Variants in DCAF6 observed in about 807,000 individuals in gnomAD.
DCAF6 encodes the protein DDB1- and CUL4-associated factor 6.
DCAF6 carries 54 observed loss-of-function variants against 125.1 expected under a neutral mutation model. The observed-to-expected ratio is 0.43, with a 90% CI of 0.35 to 0.54. The LOEUF is 0.54. Among genes scored for constraint, DCAF6 ranks in the 20% least tolerant of loss-of-function variants. The pLI is 0.01. For synonymous variants in DCAF6, 371 were observed against 390.4 expected (o/e 0.95, Z 0.58); for missense variants, 934 against 1,161.7 (o/e 0.80, Z 2.85).
chr1:167,905,988 A>C, the DCAF6 span, among the ~76,000 whole-genome samples: 3 of 152,116 alleles, frequency 2.0e-5, no homozygotes, highest in African/African-American at 7.2e-5. Flanking sequence ...AGTTACTGGA[A>C]TAGGTTATAC....
chr1:168,066,431 A>T lies in DCAF6; in HGVS notation c.2651A>T (p.Glu884Val), dbSNP rs751434646. 6.2e-7 allele frequency: 1 copy of T among 1,610,610 alleles called. No homozygotes were observed. The highest frequency in any genetic ancestry group is 8.5e-7 in the Non-Finnish European group (1 of 1,177,928). ...ATAAAGATCTGGTCACCATTAGAAG[A>T]GTCAAGGATTTTTAACCGAAAACTT... is the stretch of plus-strand genomic sequence containing the variant. ...YDIKIWSPLE[E>V]SRIFNRKLAD... Residue 884 changes from glutamate (E) to valine (V), a missense_variant, in exon 20 of 22, where the codon GAG (glutamate) becomes GTG (valine). Physicochemically the swap from Glu to Val is moderately radical, Grantham distance 121. Coordinates refer to ENST00000367840, the MANE Select transcript of DCAF6 (RefSeq NM_001198956.2).
the DCAF6 span, among the ~76,000 whole-genome samples, chr1:167,923,008 A>AT: frequency 6.6e-6 from 1 of 152,198 alleles, no homozygotes; most frequent in Non-Finnish European, 1.5e-5. Context: ...TCTAACACCC[A>AT]TTAGGTGCCT....
the DCAF6 span, chr1:167,899,747 C>T: frequency 6.6e-6 from 6 of 909,204 alleles, no homozygotes; most frequent in Non-Finnish European, 8.7e-6. Context: ...CAAAATCTCA[C>T]TTCTAAAACT....
At chr1:167,872,204 G>T in the DCAF6 span, among the ~76,000 whole-genome samples, 1 of 152,070 alleles carries the variant, frequency 6.6e-6, no homozygotes, top group Non-Finnish European at 1.5e-5. Context: ...CGGGCGTGGT[G>T]GTGCATGCCT....
the DCAF6 span, among the ~76,000 whole-genome samples, chr1:167,865,917 C>T: frequency 6.6e-6 from 1 of 152,208 alleles, no homozygotes; most frequent in Non-Finnish European, 1.5e-5. Context: ...AGTAATAAGT[C>T]ATGCCAAACT....
chr1:167,896,722 T>G, the DCAF6 span: 11 of 1,429,040 alleles, frequency 7.7e-6, no homozygotes, highest in Non-Finnish European at 1.1e-5. Flanking sequence ...AGTTTTCAGT[T>G]ATTCTGAGAA....
At chr1:168,048,233 A>G (rs1369475782) in intron 16 of DCAF6, among the ~76,000 whole-genome samples, 1 of 152,144 alleles carries the variant, frequency 6.6e-6, no homozygotes, top group Non-Finnish European at 1.5e-5. Flanking sequence ...AAAAGGATGT[A>G]TGTCTTAAAG....
intron 17 of DCAF6, among the ~76,000 whole-genome samples, chr1:168,060,877 A>C (rs1364315544): frequency 6.6e-6 from 1 of 152,192 alleles, no homozygotes; most frequent in Non-Finnish European, 1.5e-5. Context: ...TGATAAAATA[A>C]ATGATTTGAG....
At chr1:168,051,992 C>T (rs934197271) in intron 17 of DCAF6, among the ~76,000 whole-genome samples, 5 of 151,838 alleles carry the variant, frequency 3.3e-5, no homozygotes, top group African/African-American at 7.3e-5. Flanking sequence ...GTGATTTTCC[C>T]GCCTCAGCCT....
At chr1:167,918,437 C>A in the DCAF6 span, 1 of 913,218 alleles carries the variant, frequency 1.1e-6, no homozygotes, top group South Asian at 1.6e-5. Context: ...GGGAAGCATA[C>A]TCCATTTCTT....
chr1:168,060,884 T>G (rs946673008), intron 17 of DCAF6, among the ~76,000 whole-genome samples: 1 of 152,332 alleles, frequency 6.6e-6, no homozygotes, highest in East Asian at 1.9e-4. Context: ...ATAAATGATT[T>G]GAGCTGCCAT....
At chr1:167,920,476 A>G in the DCAF6 span, 1 of 1,482,572 alleles carries the variant, frequency 6.7e-7, no homozygotes, top group Non-Finnish European at 9.2e-7. Context: ...GCCACTAAAT[A>G]AACTGATATA....
the DCAF6 span, among the ~76,000 whole-genome samples, chr1:167,886,727 C>G: frequency 2.6e-5 from 4 of 152,156 alleles, no homozygotes; most frequent in Non-Finnish European, 5.9e-5. Context: ...AGCTTCTGAA[C>G]AGCAAAAGAA....
At chr1:167,877,778 G>A in the DCAF6 span, among the ~76,000 whole-genome samples, 2 of 152,148 alleles carry the variant, frequency 1.3e-5, no homozygotes, top group African/African-American at 4.8e-5. Flanking sequence ...GAATGTCTAT[G>A]AATCCCTCGA....
the DCAF6 span, among the ~76,000 whole-genome samples, chr1:167,925,055 A>C: frequency 6.6e-6 from 1 of 152,186 alleles, no homozygotes; most frequent in Non-Finnish European, 1.5e-5. Context: ...CAGATAGTGC[A>C]AACTACTTGC....
At chr1:167,955,306 T>C (rs1158555186) in intron 2 of DCAF6, among the ~76,000 whole-genome samples, 1 of 152,224 alleles carries the variant, frequency 6.6e-6, no homozygotes, top group Non-Finnish European at 1.5e-5. Flanking sequence ...GTGGAATGAA[T>C]GGGTCATATG....
At chr1:167,941,081 A>G (rs1231628599) in intron 1 of DCAF6, among the ~76,000 whole-genome samples, 1 of 151,996 alleles carries the variant, frequency 6.6e-6, no homozygotes, top group Non-Finnish European at 1.5e-5. Flanking sequence ...GTTACAGTGT[A>G]TTTATTATAT....
intron 17 of DCAF6, among the ~76,000 whole-genome samples, chr1:168,059,862 G>C (rs1248913926): frequency 6.6e-6 from 1 of 151,996 alleles, no homozygotes; most frequent in African/African-American, 2.4e-5. Flanking sequence ...TGCCCAGCCT[G>C]GTTTCAAACT....
chr1:168,056,644 G>T (rs1690895022), intron 17 of DCAF6, among the ~76,000 whole-genome samples: 2 of 152,214 alleles, frequency 1.3e-5, no homozygotes, highest in Non-Finnish European at 2.9e-5. Context: ...ACTACATTGT[G>T]TATACCTCTT....
Sources: gnomAD v4.1 joint callset for allele counts (sites outside exome capture counted in the v4.1 genomes callset) on GRCh38, gnomAD v4.1.1 for gene constraint, MANE v1.5 for transcripts, NCBI Gene and HGNC (gene_info 2026-07-23, HGNC 2026-07-21) for gene names.